ALG8: variants seen among roughly 807,000 people sequenced by gnomAD.
ALG8 encodes the protein ALG8 alpha-1,3-glucosyltransferase, also known as dolichyl pyrophosphate Glc1Man9GlcNAc2 alpha-1,3-glucosyltransferase.
A neutral mutation model predicts 70.2 loss-of-function variants in ALG8; 48 were observed. That is an observed-to-expected ratio of 0.68 (90% confidence interval 0.54 to 0.87). ALG8 has a LOEUF of 0.87. ALG8 is among the 40% of genes least tolerant of loss of function. ALG8 has a pLI of 0.00. For synonymous variants in ALG8, 234 were observed against 229.0 expected (o/e 1.02, Z -0.20); for missense variants, 572 against 608.7 (o/e 0.94, Z 0.64).
At chr11:78,115,828 C>A (rs1300075024) in intron 5 of ALG8, among the ~76,000 whole-genome samples, 2 of 152,158 alleles carry the variant, frequency 1.3e-5, no homozygotes, top group Admixed American at 1.3e-4. Context: ...GGAATTAGAG[C>A]CCAGAGAATT....
chr11:78,106,908 G>A lies in ALG8; in HGVS notation c.1077C>T (p.Pro359=), dbSNP rs771225674. Residue 359 remains proline (P), a synonymous_variant, in exon 10 of 13, where the codon CCC becomes CCT. Transcript: ENST00000299626. ...IFCLWFKPQG[P]RGFLRCLTLC... is the part of the protein sequence containing the mutation. ...GAGTTAGACATCGGAGAAAGCCTCT[G>A]GGCCCTTGGGGTTTAAACCAAAGAC... is the stretch of plus-strand genomic sequence containing the variant. 3.0e-5 allele frequency: 48 copies of A among 1,613,958 alleles called. No homozygotes were observed. The highest frequency in any genetic ancestry group is 4.0e-5 in the Non-Finnish European group (47 of 1,179,990).
intron 5 of ALG8, 27 bp from the exon 6 acceptor site, chr11:78,114,419 C>T (rs1418531969): frequency 6.2e-7 from 1 of 1,612,160 alleles, no homozygotes; most frequent in South Asian, 1.1e-5. Context: ...GGAAATATCA[C>T]TTTAAAATTC....
chr11:78,114,744 T>A lies in ALG8; in HGVS notation c.547-352A>T, dbSNP rs982833132. ...ACTTTGGTAAGCCGACGTGGAAGGATTGCTTGACCCCAGGAGTTCAAGACC... is the reference window on the plus strand; with the variant it reads ...ACTTTGGTAAGCCGACGTGGAAGGAATGCTTGACCCCAGGAGTTCAAGACC... On this transcript the variant is annotated intron_variant, in intron 5 of 12. Transcript: ENST00000299626. 3 of 444,812 alleles carry A rather than the reference T, an allele frequency of 6.7e-6. No homozygotes were observed. The Admixed American group carries it at 7.7e-5, about 11-fold the overall frequency. The allele number at this position is 444,812 out of a possible 1,614,324, so 27.6% of individuals were successfully genotyped here. A position where few individuals can be genotyped will look rare whatever the true frequency, so the allele number is the denominator to read the frequency against.
Position 78,106,959 on chromosome 11 carries a change from G to A in ALG8, c.1039-13C>T. The A allele has an allele frequency of 1.9e-6, 3 of 1,613,636 alleles. No homozygotes were observed. Among genetic ancestry groups the A allele is most frequent in the Non-Finnish European group, 1.7e-6 (2 of 1,179,870 alleles). ...AGAAAATAGAGGGCTAGAAACAACAGGCAAAGATAAACTTCAGTATCATTT... is the reference window on the plus strand; with the variant it reads ...AGAAAATAGAGGGCTAGAAACAACAAGCAAAGATAAACTTCAGTATCATTT... On this transcript the variant is annotated splice_polypyrimidine_tract_variant and intron_variant, in intron 9 of 12. Coordinates refer to ENST00000299626, the MANE Select transcript of ALG8 (RefSeq NM_024079.5).
Position 78,104,015 on chromosome 11 carries a change from G to T in ALG8, c.1314C>A (p.Thr438=). The change falls in exon 12 of 13, where the codon ACC becomes ACA. Residue 438 remains threonine, a synonymous_variant. Coordinates refer to ENST00000299626, the MANE Select transcript of ALG8 (RefSeq NM_024079.5). ...PIKILLMLLF[T]IYSISSLKTL... ...TCTTCAGTGACGAAATACTATATAT[G>T]GTGAATAGTAACATGAGTAAGATTT... is the stretch of plus-strand genomic sequence containing the variant. 1 of 1,508,944 alleles carries T rather than the reference G, an allele frequency of 6.6e-7. No homozygotes were observed. The highest frequency in any genetic ancestry group is 9.2e-7 in the Non-Finnish European group (1 of 1,088,388). The allele number at this position is 1,508,944 out of a possible 1,614,324, so 93.5% of individuals were successfully genotyped here.
intron 5 of ALG8, among the ~76,000 whole-genome samples, chr11:78,118,904 G>A (rs111234830): frequency 6.6e-6 from 1 of 152,288 alleles, no homozygotes; most frequent in Non-Finnish European, 1.5e-5. Context: ...GTGACAGAGT[G>A]AGACTGTTTC....
chr11:78,104,402 G>A lies in ALG8; in HGVS notation c.1230C>T (p.Thr410=), dbSNP rs1409096278. The change falls in exon 11 of 13, where the codon ACC becomes ACT. Residue 410 remains threonine, a synonymous_variant. Transcript: ENST00000299626. ...AGDASIFLIL[T]TTGHYSLFPL... ...GAAAGAGGGAATAATGTCCTGTTGTGGTCAGAATCAGAAAAATCGAAGCGT... is the reference window on the plus strand; with the variant it reads ...GAAAGAGGGAATAATGTCCTGTTGTAGTCAGAATCAGAAAAATCGAAGCGT... 2 of 1,601,706 alleles carry A rather than the reference G, an allele frequency of 1.2e-6. No homozygotes were observed. The highest frequency in any genetic ancestry group is 1.7e-6 in the Non-Finnish European group (2 of 1,174,062).
Position 78,139,606 on chromosome 11 carries a change from C to G in ALG8, c.-18G>C. Reference sequence around the variant, plus strand: ...GCCGCCATTGCTGCGGCACCGCACGCTTCCCACCAACTTGATCCACATCCG... The same window carrying G: ...GCCGCCATTGCTGCGGCACCGCACGGTTCCCACCAACTTGATCCACATCCG... On this transcript the variant is annotated 5_prime_UTR_variant, in exon 1 of 13. Coordinates refer to ENST00000299626, the MANE Select transcript of ALG8 (RefSeq NM_024079.5). The G allele has an allele frequency of 6.4e-7, 1 of 1,551,618 alleles. No individual in the cohort carries two copies. Among genetic ancestry groups the G allele is most frequent in the South Asian group, 1.2e-5 (1 of 84,082 alleles).
intron 9 of ALG8, 38 bp downstream of exon 9, chr11:78,109,404 A>G (rs777040526): frequency 1.1e-5 from 17 of 1,613,864 alleles, no homozygotes; most frequent in African/African-American, 2.7e-5. Context: ...AAAAGCAGAG[A>G]AAACTCAAGA....
chr11:78,109,392 A>C (rs1352843356), intron 9 of ALG8, 50 bp downstream of exon 9: 5 of 1,612,230 alleles, frequency 3.1e-6, no homozygotes, highest in Non-Finnish European at 4.2e-6. Flanking sequence ...GCCAGACAAA[A>C]GAAAAGCAGA....
chr11:78,125,348 C>T (rs968674873), intron 2 of ALG8, among the ~76,000 whole-genome samples: 1 of 151,474 alleles, frequency 6.6e-6, no homozygotes, highest in Admixed American at 6.6e-5. Context: ...TCACTTTTTG[C>T]ACCTATACAA....
intron 8 of ALG8, among the ~76,000 whole-genome samples, chr11:78,110,025 G>A (rs1490832715): frequency 1.3e-5 from 2 of 152,110 alleles, no homozygotes; most frequent in African/African-American, 2.4e-5. Context: ...TGTTAAATGC[G>A]GCTTGGCCAC....
At chr11:78,123,988 C>A (rs752397399) in intron 3 of ALG8, 33 bp downstream of exon 3, 9 of 1,609,952 alleles carry the variant, frequency 5.6e-6, no homozygotes, top group East Asian at 4.5e-5. Context: ...TTTTTCAATA[C>A]CTTCCATACA....
intron 3 of ALG8, among the ~76,000 whole-genome samples, chr11:78,123,233 G>C (rs1242408600): frequency 6.8e-6 from 1 of 146,426 alleles, no homozygotes; most frequent in South Asian, 2.2e-4. Context: ...TTGAACCCGA[G>C]AGGCAGTTGC....
At chr11:78,121,491 G>C (rs1860821008) in intron 3 of ALG8, among the ~76,000 whole-genome samples, 1 of 49,326 alleles carries the variant, frequency 2.0e-5, no homozygotes, top group African/African-American at 8.6e-5. Context: ...AGGCTGAAGT[G>C]AGAGGACCAC....
rs1174378754 is a variant in ALG8, at chr11:78,130,348, C to CA, written c.96-2913dup. On this transcript the variant is annotated intron_variant, in intron 1 of 12. Transcript: ENST00000299626. ...TGGGAGACAGAGCAAGACCCGGTCT[C>CA]AAAAAAAAAAAAAAAAAAAGGTGAG... 4.9e-4 allele frequency among the ~76,000 whole-genome samples: 24 copies of CA among 49,146 alleles called. 1 individual carries two copies. Among genetic ancestry groups the CA allele is most frequent in the East Asian group, 2.1e-3 (3 of 1,416 alleles). The allele number at this position is 49,146 out of a possible 152,430, so 32.2% of individuals were successfully genotyped here. A position where few individuals can be genotyped will look rare whatever the true frequency, so the allele number is the denominator to read the frequency against.
At chr11:78,106,520 A>ACTGT (rs1860040076) in intron 10 of ALG8, among the ~76,000 whole-genome samples, 2 of 151,996 alleles carry the variant, frequency 1.3e-5, no homozygotes, top group South Asian at 4.2e-4. Flanking sequence ...TCTATAACAT[A>ACTGT]CTGTCCCTCA....
intron 4 of ALG8, among the ~76,000 whole-genome samples, chr11:78,120,815 C>A (rs1260691572): frequency 6.6e-6 from 1 of 152,110 alleles, no homozygotes; most frequent in Non-Finnish European, 1.5e-5. Context: ...AGTTCACAAT[C>A]TCAGTACATT....
chr11:78,113,793 T>A, intron 7 of ALG8, 93 bp downstream of exon 7: 18 of 1,057,666 alleles, frequency 1.7e-5, no homozygotes. Context: ...AAAAGTAGCT[T>A]TTACTTATTT....
Sources: allele counts gnomAD v4.1 joint callset (sites outside exome capture counted in the v4.1 genomes callset), GRCh38; gene constraint gnomAD v4.1.1; transcripts MANE v1.5; gene names NCBI Gene and HGNC (gene_info 2026-07-23, HGNC 2026-07-21).